Variants in PLCB1 observed in about 807,000 individuals in gnomAD.
PLCB1 encodes the protein 1-phosphatidylinositol 4,5-bisphosphate phosphodiesterase beta-1.
PLCB1 carries 46 observed loss-of-function variants against 161.8 expected under a neutral mutation model. The observed-to-expected ratio is 0.28, with a 90% CI of 0.22 to 0.36. The LOEUF (loss-of-function observed/expected upper bound fraction) is 0.36. PLCB1 is among the 10% of genes least tolerant of loss of function. PLCB1 has a pLI of 1.00. For synonymous variants in PLCB1, 517 were observed against 503.7 expected, an observed-to-expected ratio of 1.03 and a Z score of -0.35; for missense variants, 1,016 against 1,472.5, an observed-to-expected ratio of 0.69 and a Z score of 5.07.
intron 2 of PLCB1, among the ~76,000 whole-genome samples, chr20:8,158,604 A>G (rs1240848774): frequency 1.3e-5 from 2 of 152,172 alleles, no homozygotes; most frequent in Non-Finnish European, 2.9e-5. Flanking sequence ...TCAAAAGTCC[A>G]CAGTCCCAAG....
intron 13 of PLCB1, among the ~76,000 whole-genome samples, chr20:8,716,774 A>G (rs980966829): frequency 2.6e-5 from 4 of 152,096 alleles, no homozygotes; most frequent in Non-Finnish European, 5.9e-5. Flanking sequence ...CCTTGGATGC[A>G]CCTTTTGGTG....
chr20:8,797,036 G>A (rs1248647512), intron 31 of PLCB1, among the ~76,000 whole-genome samples: 1 of 152,066 alleles, frequency 6.6e-6, no homozygotes, highest in Non-Finnish European at 1.5e-5. Context: ...TTTGTTTAAT[G>A]TAGTAATAGA....
At chr20:8,196,102 G>T (rs57261090) in intron 2 of PLCB1, among the ~76,000 whole-genome samples, 1 of 151,934 alleles carries the variant, frequency 6.6e-6, no homozygotes. Context: ...GGGGGAACCC[G>T]CCCCATCATT....
rs751469980 is a variant in PLCB1 at position 8,646,182 on chromosome 20, G to GT, written c.464+2dup. The GT allele has an allele frequency of 1.2e-6, 2 of 1,604,136 alleles. No homozygotes were observed. The highest frequency in any genetic ancestry group is 1.1e-5 in the South Asian group (1 of 90,868). ...CCAGGGATGCATTTCTGGAAAAAGC[G>GT]TAAGTCACTCTAATTTTATTGCTAA... On this transcript the variant is annotated splice_donor_variant, in intron 5 of 31. Transcript: ENST00000338037. LOFTEE classifies it high-confidence loss of function.
At chr20:8,594,891 G>A (rs1259222419) in intron 3 of PLCB1, among the ~76,000 whole-genome samples, 1 of 151,982 alleles carries the variant, frequency 6.6e-6, no homozygotes, top group African/African-American at 2.4e-5. Context: ...TGTTTAAAAA[G>A]GCATTTCTTA....
intron 23 of PLCB1, among the ~76,000 whole-genome samples, chr20:8,749,513 TAA>T (rs1474329578): frequency 6.6e-6 from 1 of 152,210 alleles, no homozygotes; most frequent in Non-Finnish European, 1.5e-5. Flanking sequence ...AAATTAACAT[TAA>T]GAGTTGTTGG....
intron 26 of PLCB1, among the ~76,000 whole-genome samples, chr20:8,766,767 G>T (rs4816077): frequency 0.24 from 37,070 of 151,994 alleles, 5,146 homozygotes; most frequent in Non-Finnish European, 0.32. Context: ...ATCTTGTTAG[G>T]TGCAGGTTCT....
At chr20:8,683,625 A>T (rs1460038729) in intron 9 of PLCB1, among the ~76,000 whole-genome samples, 1 of 152,170 alleles carries the variant, frequency 6.6e-6, no homozygotes, top group Non-Finnish European at 1.5e-5. Flanking sequence ...TTTAAATTAT[A>T]CCTCAATAAA....
chr20:8,869,005 C>A (rs1987522469), intron 31 of PLCB1, among the ~76,000 whole-genome samples: 1 of 152,180 alleles, frequency 6.6e-6, no homozygotes, highest in Non-Finnish European at 1.5e-5. Context: ...TTAGTCTCCT[C>A]ACTTCATGAT....
chr20:8,716,811 T>A (rs2076686), intron 13 of PLCB1, among the ~76,000 whole-genome samples: 30,717 of 152,050 alleles, frequency 0.2, 3,192 homozygotes, highest in East Asian at 0.35. Flanking sequence ...GCCCATTGCA[T>A]TGATGATATC....
chr20:8,391,725 ATTC>A (rs1238441366), intron 3 of PLCB1, among the ~76,000 whole-genome samples: 1 of 147,164 alleles, frequency 6.8e-6, no homozygotes, highest in East Asian at 2.0e-4. Flanking sequence ...TTTTCAGTGT[ATTC>A]TTCTTAATGT....
At chr20:8,796,530 C>T (rs941507593) in intron 31 of PLCB1, among the ~76,000 whole-genome samples, 4 of 152,198 alleles carry the variant, frequency 2.6e-5, no homozygotes, top group African/African-American at 9.7e-5. Context: ...GCCAAACTTG[C>T]AGAGTGGAAA....
intron 2 of PLCB1, among the ~76,000 whole-genome samples, chr20:8,276,983 C>CTTATTATTATTA (rs1327121503): frequency 2.4e-3 from 242 of 99,170 alleles, no homozygotes; most frequent in East Asian, 6.4e-3. Flanking sequence ...TCTTCTTCTT[C>CTTATTATTATTA]TTCTTATTAT....
chr20:8,560,743 T>A (rs1463285347), intron 3 of PLCB1, among the ~76,000 whole-genome samples: 1 of 152,016 alleles, frequency 6.6e-6, no homozygotes, highest in East Asian at 1.9e-4. Context: ...CACTATAGTA[T>A]GTCTATTATA....
At chr20:8,626,836 A>T (rs1470423070) in intron 3 of PLCB1, among the ~76,000 whole-genome samples, 6 of 152,236 alleles carry the variant, frequency 3.9e-5, no homozygotes, top group Admixed American at 3.9e-4. Context: ...TGATGCAATT[A>T]ATCAATTCAT....
chr20:8,737,622 A>G (rs1471512079), intron 20 of PLCB1, among the ~76,000 whole-genome samples: 3 of 152,302 alleles, frequency 2.0e-5, no homozygotes, highest in South Asian at 4.1e-4. Context: ...TGGTCATTCA[A>G]TCTTGTCTGG....
intron 12 of PLCB1, among the ~76,000 whole-genome samples, chr20:8,714,741 T>C (rs953032807): frequency 5.9e-5 from 9 of 152,146 alleles, no homozygotes; most frequent in African/African-American, 1.9e-4. Flanking sequence ...TTGCAAATCC[T>C]TTGAATCTCT....
At chr20:8,474,922 GTA>G (rs1982206898) in intron 3 of PLCB1, among the ~76,000 whole-genome samples, 1 of 151,644 alleles carries the variant, frequency 6.6e-6, no homozygotes, top group Non-Finnish European at 1.5e-5. Context: ...AGTTCGCCAG[GTA>G]TGATTAAACA....
At chr20:8,760,787 A>G (rs1384186920) in intron 25 of PLCB1, among the ~76,000 whole-genome samples, 6 of 152,236 alleles carry the variant, frequency 3.9e-5, no homozygotes, top group African/African-American at 1.4e-4. Flanking sequence ...TGCCAATAAT[A>G]AACTATATTT....
Sources: allele counts gnomAD v4.1 joint callset (sites outside exome capture counted in the v4.1 genomes callset), GRCh38; gene constraint gnomAD v4.1.1; transcripts MANE v1.5; gene names NCBI Gene and HGNC (gene_info 2026-07-23, HGNC 2026-07-21).